SMARCAD1: variants seen among roughly 807,000 people sequenced by gnomAD.
SMARCAD1 encodes the protein SWI/SNF-related matrix-associated actin-dependent regulator of chromatin subfamily A containing DEAD/H box 1.
A neutral mutation model predicts 127.1 loss-of-function variants in SMARCAD1; 25 were observed. The observed-to-expected ratio is 0.20, with a 90% CI of 0.14 to 0.27. The LOEUF is 0.27. Ranked by LOEUF, SMARCAD1 falls within the 10% of genes least tolerant of loss-of-function variation. The probability of loss-of-function intolerance (pLI) is 1.00; values close to 1 mark genes in which losing one functional copy is unlikely to be tolerated. For missense variants in SMARCAD1, 807 were observed against 1,206.0 expected, an observed-to-expected ratio of 0.67 and a Z score of 4.90; for synonymous variants, 400 against 396.9, an observed-to-expected ratio of 1.01 and a Z score of -0.09.
At chr4:94,257,792 T>C (rs1342515585) in intron 9 of SMARCAD1, among the ~76,000 whole-genome samples, 1 of 152,192 alleles carries the variant, frequency 6.6e-6, no homozygotes, top group African/African-American at 2.4e-5. Flanking sequence ...CATATCTTTA[T>C]GTAATATAGT....
At chr4:94,286,364 C>T (rs1443930105) in intron 23 of SMARCAD1, among the ~76,000 whole-genome samples, 2 of 152,158 alleles carry the variant, frequency 1.3e-5, no homozygotes, top group African/African-American at 4.8e-5. Context: ...ATGGCTGGCT[C>T]TCTTGGGCAA....
intron 8 of SMARCAD1, among the ~76,000 whole-genome samples, chr4:94,252,320 T>C (rs539752072): frequency 1.1e-3 from 165 of 152,322 alleles, no homozygotes; most frequent in African/African-American, 3.5e-3. Context: ...CTGCTAGGAA[T>C]ATCTGAGACA....
intron 23 of SMARCAD1, among the ~76,000 whole-genome samples, chr4:94,288,842 G>C (rs899480520): frequency 6.6e-6 from 1 of 152,018 alleles, no homozygotes; most frequent in Non-Finnish European, 1.5e-5. Context: ...AATTAATCAG[G>C]GATGGCTAGA....
At chr4:94,220,481 C>T (rs1176080808) in intron 2 of SMARCAD1, among the ~76,000 whole-genome samples, 2 of 152,148 alleles carry the variant, frequency 1.3e-5, no homozygotes, top group Non-Finnish European at 1.5e-5. Flanking sequence ...CTCCTGACCT[C>T]AAGTGATCTG....
chr4:94,253,167 A>G, intron 9 of SMARCAD1, 160 bp downstream of exon 9: 1 of 1,511,660 alleles, frequency 6.6e-7, no homozygotes, highest in South Asian at 1.2e-5. Context: ...AGTATTTCAA[A>G]TAGTGTCATA....
At chr4:94,214,328 TCTCAA>T (rs1415751805) in intron 2 of SMARCAD1, among the ~76,000 whole-genome samples, 1 of 149,620 alleles carries the variant, frequency 6.7e-6, no homozygotes, top group Non-Finnish European at 1.5e-5. Flanking sequence ...AGTGGCGCAA[TCTCAA>T]CTCACTGCAA....
chr4:94,262,936 G>GAA (rs58752878), intron 9 of SMARCAD1, among the ~76,000 whole-genome samples: 52 of 143,980 alleles, frequency 3.6e-4, no homozygotes, highest in East Asian at 1.6e-3. Context: ...GTTGGTTACA[G>GAA]AAAAAAAAAA....
At chr4:94,260,834 C>T (rs1750862699) in intron 9 of SMARCAD1, among the ~76,000 whole-genome samples, 3 of 151,892 alleles carry the variant, frequency 2.0e-5, no homozygotes, top group African/African-American at 4.8e-5. Flanking sequence ...TTCCAAATGA[C>T]CATAATTAAT....
rs1753665316 is a variant in SMARCAD1 at position 94,279,037 on chromosome 4, A to T, written c.2405A>T (p.Gln802Leu). 6.2e-7 allele frequency: 1 copy of T among 1,614,170 alleles called. No homozygotes were observed. Among genetic ancestry groups the T allele is most frequent in the Non-Finnish European group, 8.5e-7 (1 of 1,180,014 alleles). Residue 802 changes from glutamine to leucine, a missense_variant, in exon 19 of 24, where the codon CAG becomes CTG. Physicochemically the swap from Gln to Leu is moderately radical, Grantham distance 113 (BLOSUM62 -2). Around this residue, in one of 8 missense-constraint regions of SMARCAD1, gnomAD observed 99 missense variants for 126.0 expected, o/e 0.79. Transcript: ENST00000354268. ...YTAEKLKEMS[Q>L]LMLKEPTHCE... ...GCTGAAAAACTCAAGGAAATGTCTCAGCTTATGCTAAAGGTAAGGATTTCA... is the reference window on the plus strand; with the variant it reads ...GCTGAAAAACTCAAGGAAATGTCTCTGCTTATGCTAAAGGTAAGGATTTCA...
intron 10 of SMARCAD1, among the ~76,000 whole-genome samples, chr4:94,268,294 T>C (rs1752035421): frequency 6.6e-6 from 1 of 152,174 alleles, no homozygotes; most frequent in East Asian, 1.9e-4. Flanking sequence ...TTTGATGTTA[T>C]AGTGAGTATT....
chr4:94,274,449 TG>T (rs1280120580), intron 12 of SMARCAD1, among the ~76,000 whole-genome samples: 1 of 152,140 alleles, frequency 6.6e-6, no homozygotes, highest in Non-Finnish European at 1.5e-5. Context: ...CCCGAGTAGC[TG>T]GGACTACAGG....
At chr4:94,243,397 T>C (rs1243770970) in intron 6 of SMARCAD1, among the ~76,000 whole-genome samples, 1 of 152,184 alleles carries the variant, frequency 6.6e-6, no homozygotes, top group East Asian at 1.9e-4. Context: ...GTATACCATT[T>C]CTACTTGATG....
intron 10 of SMARCAD1, among the ~76,000 whole-genome samples, chr4:94,266,845 T>C (rs1751796696): frequency 6.6e-6 from 1 of 152,076 alleles, no homozygotes; most frequent in Non-Finnish European, 1.5e-5. Flanking sequence ...ATACAAATAT[T>C]CCGGAATTCC....
At position 94,252,642 on chromosome 4, in the gene SMARCAD1, G is replaced by C; in HGVS notation, c.916G>C (p.Val306Leu). The change falls in exon 9 of 24, where the codon GTT becomes CTT. Residue 306 changes from valine (V) to leucine (L), a missense_variant. Transcript: ENST00000354268. ...TATGCAATATGTATCACAAAGTGAG[G>C]TTCCAAATGGAAAAGAAGTTTCTTC... ...QDMQYVSQSEVPNGKEVSSRS... is the reference protein window; with the variant it reads ...QDMQYVSQSELPNGKEVSSRS... 2.5e-6 allele frequency: 4 copies of C among 1,572,338 alleles called. No individual in the cohort carries two copies. In the South Asian group the frequency reaches 4.8e-5, roughly 19 times the overall value.
At chr4:94,219,842 G>A (rs1242902103) in intron 2 of SMARCAD1, among the ~76,000 whole-genome samples, 1 of 151,956 alleles carries the variant, frequency 6.6e-6, no homozygotes, top group Non-Finnish European at 1.5e-5. Context: ...ATTTCAAAAG[G>A]GCAAGTTGAA....
chr4:94,257,322 G>A (rs1750257617), intron 9 of SMARCAD1, among the ~76,000 whole-genome samples: 1 of 152,080 alleles, frequency 6.6e-6, no homozygotes, highest in African/African-American at 2.4e-5. Flanking sequence ...CACCATTTAA[G>A]GTGTTTTGAG....
chr4:94,258,739 A>G (rs188698456), intron 9 of SMARCAD1, among the ~76,000 whole-genome samples: 1 of 152,238 alleles, frequency 6.6e-6, no homozygotes, highest in Non-Finnish European at 1.5e-5. Context: ...CTGTAAGCAA[A>G]TATCTGTAAG....
chr4:94,276,175 GT>G (rs1312891508), intron 14 of SMARCAD1, among the ~76,000 whole-genome samples, 163 bp from the exon 15 acceptor site: 4 of 152,128 alleles, frequency 2.6e-5, no homozygotes, highest in Non-Finnish European at 5.9e-5. Context: ...TTAAATACAA[GT>G]ACGTCAGTAT....
intron 2 of SMARCAD1, among the ~76,000 whole-genome samples, chr4:94,215,493 C>T (rs1323645740): frequency 6.6e-6 from 1 of 151,812 alleles, no homozygotes; most frequent in African/African-American, 2.4e-5. Flanking sequence ...TGGTGGTGTG[C>T]ACCTGTAGTC....
Sources: gnomAD v4.1 joint callset for allele counts (sites outside exome capture counted in the v4.1 genomes callset) on GRCh38, gnomAD v4.1.1 for gene constraint, gnomAD v4.1.1 regional missense constraint, MANE v1.5 for transcripts, NCBI Gene and HGNC (gene_info 2026-07-23, HGNC 2026-07-21) for gene names.